Variants in ABL1 observed in about 807,000 individuals in gnomAD.
ABL1 encodes ABL proto-oncogene 1, non-receptor tyrosine kinase.
In ABL1, 11 loss-of-function variants were observed where a neutral mutation model predicts 94.7. The observed-to-expected ratio is 0.12, with a 90% CI of 0.07 to 0.19. The LOEUF (loss-of-function observed/expected upper bound fraction) is 0.19. Ranked by LOEUF, ABL1 falls within the 10% of genes least tolerant of loss-of-function variation. ABL1 has a pLI of 1.00. For missense variants in ABL1, 1,082 were observed against 1,489.4 expected (o/e 0.73, Z 4.50); for synonymous variants, 656 against 622.4 (o/e 1.05, Z -0.80).
intron 1 of ABL1, among the ~76,000 whole-genome samples, chr9:130,728,935 A>G (rs1831627066): frequency 1.3e-5 from 2 of 152,046 alleles, no homozygotes; most frequent in South Asian, 4.1e-4. Flanking sequence ...TGGGTGTTAT[A>G]TTGTAGGGAT....
chr9:130,819,661 C>T (rs1352444048), intron 1 of ABL1, among the ~76,000 whole-genome samples: 1 of 150,960 alleles, frequency 6.6e-6, no homozygotes, highest in Non-Finnish European at 1.5e-5. Context: ...GCCTCAGCCT[C>T]CCCAGTAGCT....
chr9:130,733,309 G>A (rs538990005), intron 1 of ABL1, among the ~76,000 whole-genome samples: 1 of 152,324 alleles, frequency 6.6e-6, no homozygotes, highest in Admixed American at 6.5e-5. Flanking sequence ...TGCCTTGGTA[G>A]TGAATAGATT....
chr9:130,715,030 TAGAC>T (rs1198973433), intron 1 of ABL1, among the ~76,000 whole-genome samples: 1 of 152,338 alleles, frequency 6.6e-6, no homozygotes, highest in East Asian at 1.9e-4. Flanking sequence ...GAATTTTAGA[TAGAC>T]AGCTTCTGTC....
Position 130,863,119 on chromosome 9 carries a change from A to G in ABL1, c.822+84A>G, listed in dbSNP as rs369108575. ...AGGCGATGCATCTGCCTGGAAGTCTACCTCCTGCCTGCTGTCCGAGGGCTT... is the reference window on the plus strand; with the variant it reads ...AGGCGATGCATCTGCCTGGAAGTCTGCCTCCTGCCTGCTGTCCGAGGGCTT... On this transcript the variant is annotated intron_variant, in intron 4 of 10. Transcript: ENST00000318560. The surrounding 1 kb of genome is among the most constrained non-coding windows in gnomAD (Gnocchi z 4.3). The G allele has an allele frequency of 1.3e-4, 181 of 1,430,974 alleles. No homozygotes were observed. Among genetic ancestry groups the G allele is most frequent in the Admixed American group, 6.8e-4 (26 of 38,174 alleles). The allele number at this position is 1,430,974 out of a possible 1,614,324, so 88.6% of individuals were successfully genotyped here.
At chr9:130,741,674 C>A (rs971028550) in intron 1 of ABL1, among the ~76,000 whole-genome samples, 5 of 151,902 alleles carry the variant, frequency 3.3e-5, no homozygotes, top group African/African-American at 1.2e-4. Context: ...GTAACAGTTA[C>A]CACACTGGTA....
chr9:130,817,505 A>G (rs761087704), intron 1 of ABL1, among the ~76,000 whole-genome samples: 18 of 152,152 alleles, frequency 1.2e-4, no homozygotes, highest in Middle Eastern at 3.2e-3. Context: ...TTCCTAGCCA[A>G]TCAGGACAAA....
At chr9:130,733,643 A>G (rs955355539) in intron 1 of ABL1, among the ~76,000 whole-genome samples, 5 of 141,400 alleles carry the variant, frequency 3.5e-5, no homozygotes, top group African/African-American at 1.4e-4. Context: ...CAGTGGCGTA[A>G]TCTCGGCTCA....
chr9:130,884,102 C>A lies in ABL1; in HGVS notation c.1812C>A (p.Ile604=). The change falls in exon 11 of 11, where the codon ATC becomes ATA. Residue 604 remains isoleucine, a synonymous_variant. Transcript: ENST00000318560. This position sits in a 1 kb window ranked among gnomAD's most constrained non-coding sequence, Gnocchi z 5.6. ...DKKTNLFSAL[I]KKKKKTAPTP... is the part of the protein sequence containing the mutation. Reference sequence around the variant, plus strand: ...AGACCAACTTGTTCAGCGCCTTGATCAAGAAGAAGAAGAAGACAGCCCCAA... The same window carrying A: ...AGACCAACTTGTTCAGCGCCTTGATAAAGAAGAAGAAGAAGACAGCCCCAA... 3 of 1,612,658 alleles carry A rather than the reference C, an allele frequency of 1.9e-6. No individual in the cohort carries two copies. The highest frequency in any genetic ancestry group is 2.5e-6 in the Non-Finnish European group (3 of 1,179,508).
rs1830251653 is a variant in ABL1 at position 130,814,216 on chromosome 9, G to A, written c.137-39848G>A. ...GCAGGAGAATCGCTTTAACCAGGGA[G>A]TCGGAGGTTGCAGTGAACCGAGATC... On this transcript the variant is annotated intron_variant, in intron 1 of 10. Transcript: ENST00000372348. The surrounding 1 kb of genome is among the most constrained non-coding windows in gnomAD (Gnocchi z 4.4). Among the ~76,000 whole-genome samples, 1 of 152,050 alleles carries A rather than the reference G, an allele frequency of 6.6e-6. No individual in the cohort carries two copies.
chr9:130,746,660 G>A (rs1165962307), intron 1 of ABL1, among the ~76,000 whole-genome samples: 1 of 151,924 alleles, frequency 6.6e-6, no homozygotes, highest in East Asian at 1.9e-4. Flanking sequence ...ATATGGCACA[G>A]TTTGCTTATT....
intron 1 of ABL1, among the ~76,000 whole-genome samples, chr9:130,826,297 A>G (rs775642551): frequency 3.3e-4 from 50 of 151,850 alleles, no homozygotes; most frequent in Admixed American, 1.6e-3. Context: ...ATTTTTGTGT[A>G]TTTTGTAGAG....
chr9:130,881,864 G>A (rs757844011), intron 10 of ABL1, among the ~76,000 whole-genome samples: 2 of 136,716 alleles, frequency 1.5e-5, no homozygotes, highest in Non-Finnish European at 3.1e-5. Flanking sequence ...GTTTTATCAC[G>A]TACTCTCATT....
Position 130,877,808 on chromosome 9 carries a change from AT to A in ABL1, c.1271-591del, listed in dbSNP as rs34577725. On this transcript the variant is annotated intron_variant, in intron 7 of 10. Coordinates refer to ENST00000318560, the MANE Select transcript of ABL1 (RefSeq NM_005157.6). ...GGCGTACACCACCACACCTGGCTAA[AT>A]TTTTTTTTTTTTTTTGAGATGGAGT... Among the ~76,000 whole-genome samples the A allele has an allele frequency of 2.4e-3, 316 of 129,250 alleles. 3 individuals carry two copies. Among genetic ancestry groups the A allele is most frequent in the East Asian group, 7.3e-3 (35 of 4,786 alleles). 84.8% of individuals were successfully genotyped at this position (129,250 alleles called of 152,430 possible). A position where few individuals can be genotyped will look rare whatever the true frequency, so the allele number is the denominator to read the frequency against.
intron 1 of ABL1, among the ~76,000 whole-genome samples, chr9:130,740,647 T>A (rs1432472746): frequency 6.6e-6 from 1 of 152,132 alleles, no homozygotes; most frequent in Non-Finnish European, 1.5e-5. Context: ...ACACATGTGC[T>A]TATCATTCTT....
intron 1 of ABL1, among the ~76,000 whole-genome samples, chr9:130,810,606 A>G (rs748902385): frequency 2.6e-5 from 4 of 152,116 alleles, no homozygotes; most frequent in Non-Finnish European, 5.9e-5. Context: ...ACTATCCAAA[A>G]TGAAGCAGAA....
At position 130,837,471 on chromosome 9, in the gene ABL1, A is replaced by G. The variant is rs536426192; in HGVS notation, c.79+1946A>G. ...GATTTAGTATGGACCTGGCTGGTTT[A>G]ATTATTGTTTTGGGAAAAAAATCTA... On this transcript the variant is annotated intron_variant, in intron 1 of 10. Transcript: ENST00000318560. 3.9e-5 allele frequency among the ~76,000 whole-genome samples: 6 copies of G among 152,150 alleles called. No homozygotes were observed. In the South Asian group the frequency reaches 1.2e-3, roughly 32 times the overall value.
At chr9:130,834,379 T>C (rs1046233684), upstream of ABL1, among the ~76,000 whole-genome samples, 4 of 152,204 alleles carry the variant, frequency 2.6e-5, no homozygotes, top group African/African-American at 4.8e-5. Context: ...TTTGGTGCCA[T>C]TGAGTTCCTT....
At chr9:130,815,922 G>A (rs1047146304) in intron 1 of ABL1, among the ~76,000 whole-genome samples, 1 of 152,188 alleles carries the variant, frequency 6.6e-6, no homozygotes, top group Non-Finnish European at 1.5e-5. Context: ...GGAGGCTGAG[G>A]CAAGAGAATC....
At chr9:130,774,341 G>C (rs1832287692) in intron 1 of ABL1, among the ~76,000 whole-genome samples, 2 of 152,106 alleles carry the variant, frequency 1.3e-5, no homozygotes, top group African/African-American at 4.8e-5. Flanking sequence ...AGGATCGCTG[G>C]TCATATGGTA....
Sources: allele counts gnomAD v4.1 joint callset (sites outside exome capture counted in the v4.1 genomes callset), GRCh38; gene constraint gnomAD v4.1.1; non-coding constraint Gnocchi (gnomAD v3.1); transcripts MANE v1.5; gene names NCBI Gene and HGNC (gene_info 2026-07-23, HGNC 2026-07-21).